Variants in UBE2F observed in about 807,000 individuals in gnomAD.
UBE2F encodes the protein NEDD8-conjugating enzyme UBE2F.
In UBE2F, 5 loss-of-function variants were observed where a neutral mutation model predicts 29.6. That is an observed-to-expected ratio of 0.17 (90% CI 0.09 to 0.36). The LOEUF (loss-of-function observed/expected upper bound fraction) is 0.36. Ranked by LOEUF, UBE2F falls within the 10% of genes least tolerant of loss-of-function variation. The pLI, the probability that UBE2F is intolerant of heterozygous loss-of-function variation, is 1.00. For synonymous variants in UBE2F, 66 were observed against 81.8 expected, an observed-to-expected ratio of 0.81 and a Z score of 1.04; for missense variants, 141 against 228.5, an observed-to-expected ratio of 0.62 and a Z score of 2.47.
chr2:237,968,918 C>G (rs575709264), intron 1 of UBE2F: 2 of 839,114 alleles, frequency 2.4e-6, no homozygotes, highest in East Asian at 2.4e-4. Context: ...AGGTATTCAG[C>G]TAGCCTCTTG....
chr2:238,010,818 T>G (rs1033876508), intron 4 of UBE2F, among the ~76,000 whole-genome samples: 1 of 152,208 alleles, frequency 6.6e-6, no homozygotes, highest in Non-Finnish European at 1.5e-5. Flanking sequence ...TCCACTGGGA[T>G]GCCAACTTGA....
At chr2:238,029,758 T>C (rs141649550) in intron 6 of UBE2F, among the ~76,000 whole-genome samples, 1 of 152,370 alleles carries the variant, frequency 6.6e-6, no homozygotes, top group Non-Finnish European at 1.5e-5. Flanking sequence ...GTGTCTTCTC[T>C]GTGCCTTGGT....
Position 237,973,165 on chromosome 2 carries a change from G to A in UBE2F, c.58G>A (p.Ala20Thr), listed in dbSNP as rs78170344. Reference sequence around the variant, plus strand: ...CGATGGTCTCAAAGGGTCCCGGACGGCAGCCACAGCGTCCGACTCGACTCG... The same window carrying A: ...CGATGGTCTCAAAGGGTCCCGGACGACAGCCACAGCGTCCGACTCGACTCG... The part of the protein sequence containing the change: ...RDDGLKGSRT[A>T]ATASDSTRRV... Residue 20 changes from alanine to threonine, a missense_variant, in exon 2 of 10, where the codon GCA becomes ACA. Ala to Thr is a moderately conservative substitution (Grantham distance 58). Transcript: ENST00000272930. The A allele has an allele frequency of 3.1e-6, 5 of 1,613,996 alleles. No individual in the cohort carries two copies. The highest frequency in any genetic ancestry group is 1.1e-5 in the South Asian group (1 of 91,080).
At chr2:237,990,403 CTT>C (rs759256844) in intron 3 of UBE2F, 5,993 of 409,332 alleles carry the variant, frequency 0.015, no homozygotes, top group South Asian at 0.019. Flanking sequence ...ACATGTAAAC[CTT>C]TTTTTTTTTT....
At chr2:238,005,417 G>A (rs2063879952) in intron 4 of UBE2F, among the ~76,000 whole-genome samples, 1 of 152,050 alleles carries the variant, frequency 6.6e-6, no homozygotes, top group South Asian at 2.1e-4. Context: ...AGCTAGTCTT[G>A]ACTCTTGGGC....
chr2:238,035,695 A>G (rs937940718), intron 8 of UBE2F, 183 bp from the exon 9 acceptor site: 1 of 555,008 alleles, frequency 1.8e-6, no homozygotes, highest in Non-Finnish European at 3.2e-6. Flanking sequence ...CCATTTTGAA[A>G]AAAATACCCA....
chr2:238,021,165 C>T (rs925394591), intron 5 of UBE2F, among the ~76,000 whole-genome samples: 1 of 152,166 alleles, frequency 6.6e-6, no homozygotes, highest in Admixed American at 6.5e-5. Flanking sequence ...GAAGTGAAGA[C>T]ACCACGTCTC....
At chr2:237,978,534 G>C (rs563387643) in intron 2 of UBE2F, among the ~76,000 whole-genome samples, 13 of 152,332 alleles carry the variant, frequency 8.5e-5, no homozygotes, top group African/African-American at 3.1e-4. Flanking sequence ...GCCTGCTTTG[G>C]AGTGGCCGGC....
Position 237,967,373 on chromosome 2 carries a change from C to T in UBE2F, c.-17+241C>T, listed in dbSNP as rs2063076981. Among the ~76,000 whole-genome samples the T allele has an allele frequency of 6.7e-6, 1 of 149,092 alleles. No homozygotes were observed. The highest frequency in any genetic ancestry group is 2.4e-5 in the African/African-American group (1 of 41,038). ...TCGGAGGCGGCGTCGGCGGCCGGGG[C>T]GCTGGCCTCGCCCGGCAGTGAGTGA... On this transcript the variant is annotated intron_variant, in intron 1 of 9. Transcript: ENST00000272930. The surrounding 1 kb of genome is among the most constrained non-coding windows in gnomAD (Gnocchi z 6.3).
intron 2 of UBE2F, chr2:237,973,664 G>A (rs745518814): frequency 1.5e-4 from 198 of 1,302,600 alleles, no homozygotes; most frequent in Non-Finnish European, 1.9e-4. Flanking sequence ...AGCCTACGGC[G>A]AATCTTGTGA....
intron 9 of UBE2F, among the ~76,000 whole-genome samples, chr2:238,039,505 C>A (rs750213396): frequency 1.3e-5 from 2 of 152,252 alleles, no homozygotes; most frequent in African/African-American, 4.8e-5. Flanking sequence ...ACTTGTTTCT[C>A]ACAACAGCCC....
intron 5 of UBE2F, among the ~76,000 whole-genome samples, chr2:238,018,481 A>G (rs1429713083): frequency 1.3e-5 from 2 of 152,158 alleles, no homozygotes; most frequent in African/African-American, 4.8e-5. Flanking sequence ...CAGGGAAGGA[A>G]TGGGCATGAT....
At chr2:238,017,114 G>A (rs2064173719) in intron 5 of UBE2F, among the ~76,000 whole-genome samples, 1 of 152,152 alleles carries the variant, frequency 6.6e-6, no homozygotes, top group Admixed American at 6.5e-5. Flanking sequence ...ATTACATTAT[G>A]TCTTTGCTTT....
At chr2:237,986,621 C>A (rs1404676472) in intron 2 of UBE2F, among the ~76,000 whole-genome samples, 1 of 152,142 alleles carries the variant, frequency 6.6e-6, no homozygotes, top group African/African-American at 2.4e-5. Context: ...CCTATCTTTT[C>A]TTCTAGGAGT....
chr2:238,025,197 T>G (rs2064391998), intron 5 of UBE2F, 145 bp from the exon 6 acceptor site: 1 of 689,384 alleles, frequency 1.5e-6, no homozygotes, highest in East Asian at 2.7e-5. Flanking sequence ...GTATTCAGGG[T>G]TGAACACGTG....
intron 5 of UBE2F, among the ~76,000 whole-genome samples, chr2:238,022,389 T>C (rs984161896): frequency 3.9e-5 from 6 of 152,214 alleles, no homozygotes; most frequent in Admixed American, 2.0e-4. Flanking sequence ...GGGATATTTG[T>C]TTTTCTTCTA....
At position 237,975,410 on chromosome 2, in the gene UBE2F, A is replaced by C. The variant is rs141212498; in HGVS notation, c.118+2185A>C. ...ACAGGTGTGAGCCACTGTACCCGTCAAGTGTTTACATTTCTTACATGTAGA... is the reference window on the plus strand; with the variant it reads ...ACAGGTGTGAGCCACTGTACCCGTCCAGTGTTTACATTTCTTACATGTAGA... On this transcript the variant is annotated intron_variant, in intron 2 of 9. Coordinates refer to ENST00000272930, the MANE Select transcript of UBE2F (RefSeq NM_080678.3). 2.9e-3 allele frequency among the ~76,000 whole-genome samples: 441 copies of C among 152,248 alleles called. 1 individual carries two copies. Among genetic ancestry groups the C allele is most frequent in the African/African-American group, 0.01 (425 of 41,534 alleles).
At chr2:237,976,506 T>C (rs981786610) in intron 2 of UBE2F, among the ~76,000 whole-genome samples, 1 of 152,204 alleles carries the variant, frequency 6.6e-6, no homozygotes, top group Non-Finnish European at 1.5e-5. Context: ...CAATAGAGTT[T>C]TGGAGGCTGG....
chr2:238,014,134 A>G (rs2106380355), intron 4 of UBE2F, among the ~76,000 whole-genome samples: 1 of 152,354 alleles, frequency 6.6e-6, no homozygotes, highest in East Asian at 1.9e-4. Context: ...GACATCGTGA[A>G]GGAAACCTTG....
Sources: allele counts gnomAD v4.1 joint callset (sites outside exome capture counted in the v4.1 genomes callset), GRCh38; gene constraint gnomAD v4.1.1; non-coding constraint Gnocchi (gnomAD v3.1); transcripts MANE v1.5; gene names NCBI Gene and HGNC (gene_info 2026-07-23, HGNC 2026-07-21).